PACRG: variants seen among roughly 807,000 people sequenced by gnomAD.
The protein encoded by PACRG is parkin coregulated, also known as parkin coregulated gene protein.
A neutral mutation model predicts 29.7 loss-of-function variants in PACRG; 29 were observed. The ratio of observed to expected loss-of-function variants is 0.98; its 90% CI spans 0.73 to 1.33. The LOEUF is 1.33. PACRG is among the 40% of genes most tolerant of loss of function. The pLI is 0.00. For synonymous variants in PACRG, 116 were observed against 118.7 expected, an observed-to-expected ratio of 0.98 and a Z score of 0.15; for missense variants, 279 against 316.2, an observed-to-expected ratio of 0.88 and a Z score of 0.89.
chr6:163,105,660 G>T (rs1815341102), intron 4 of PACRG, among the ~76,000 whole-genome samples: 1 of 152,100 alleles, frequency 6.6e-6, no homozygotes, highest in South Asian at 2.1e-4. Flanking sequence ...TAGAAAGTAT[G>T]CTATTTGAGG....
At chr6:162,775,680 A>G (rs1308302865) in intron 1 of PACRG, among the ~76,000 whole-genome samples, 1 of 152,200 alleles carries the variant, frequency 6.6e-6, no homozygotes, top group Non-Finnish European at 1.5e-5. Context: ...AGTGTCTATC[A>G]TGGTTCAGTG....
chr6:163,248,694 G>A (rs1782786333), intron 4 of PACRG, among the ~76,000 whole-genome samples: 1 of 152,152 alleles, frequency 6.6e-6, no homozygotes, highest in African/African-American at 2.4e-5. Flanking sequence ...TAGGTTTTCT[G>A]ATAGCCTTGA....
In PACRG at chr6:163,179,396, A is replaced by T. The variant is rs1488814749; in HGVS notation, c.613+89988A>T. The stretch of plus-strand genomic sequence containing the variant: ...TACTCATTTGGTGTTCTTTAAATTA[A>T]AAAAAAAAAAAAAAAACTTCTGGCA... On this transcript the variant is annotated intron_variant, in intron 4 of 4. Coordinates refer to ENST00000366888, the MANE Select transcript of PACRG (RefSeq NM_001080379.2). 3.8e-3 allele frequency: 52 copies of T among 13,758 alleles called. No homozygotes were observed. The East Asian group carries it at 0.086, about 23-fold the overall frequency. The allele number at this position is 13,758 out of a possible 1,614,324, so 0.9% of individuals were successfully genotyped here. A position where few individuals can be genotyped will look rare whatever the true frequency, so the allele number is the denominator to read the frequency against.
chr6:162,895,416 A>T (rs1371404602), intron 2 of PACRG, among the ~76,000 whole-genome samples: 1 of 152,194 alleles, frequency 6.6e-6, no homozygotes, highest in Non-Finnish European at 1.5e-5. Flanking sequence ...TGGCCTTTGT[A>T]CCATTCTGTG....
chr6:163,160,082 G>A lies in PACRG; in HGVS notation c.613+70674G>A, dbSNP rs373579993. 2.0e-5 allele frequency among the ~76,000 whole-genome samples: 3 copies of A among 152,208 alleles called. No individual in the cohort carries two copies. In the East Asian group the frequency reaches 5.8e-4, roughly 29 times the overall value. On this transcript the variant is annotated intron_variant, in intron 4 of 4. Transcript: ENST00000366888. ...GTGTTGGGAATCACTATGAGGTAGA[G>A]AGAACCATATCAAAGACATTACTCT... is the stretch of plus-strand genomic sequence containing the variant.
At chr6:162,886,832 A>C (rs568203666) in intron 2 of PACRG, among the ~76,000 whole-genome samples, 1 of 152,308 alleles carries the variant, frequency 6.6e-6, no homozygotes, top group Non-Finnish European at 1.5e-5. Context: ...GATATCATTA[A>C]TTTTTTAAAT....
At chr6:163,237,992 A>G (rs187514613) in intron 4 of PACRG, among the ~76,000 whole-genome samples, 249 of 152,352 alleles carry the variant, frequency 1.6e-3, no homozygotes, top group African/African-American at 5.9e-3. Context: ...CTTTTCATTA[A>G]TCAACTAAAC....
intron 2 of PACRG, among the ~76,000 whole-genome samples, chr6:162,998,868 T>C (rs570100185): frequency 9.9e-5 from 15 of 152,284 alleles, no homozygotes; most frequent in African/African-American, 3.6e-4. Flanking sequence ...TCTTCAAAAA[T>C]GTTTAGCCAG....
At chr6:163,019,064 CA>C in intron 2 of PACRG, among the ~76,000 whole-genome samples, 1 of 152,134 alleles carries the variant, frequency 6.6e-6, no homozygotes, top group East Asian at 1.9e-4. Context: ...TGTCTTCTAT[CA>C]TTTAAAAAAT....
intron 1 of PACRG, among the ~76,000 whole-genome samples, chr6:162,760,984 A>T (rs900434953): frequency 1.3e-5 from 2 of 152,178 alleles, no homozygotes; most frequent in Admixed American, 1.3e-4. Flanking sequence ...GCCAGCACTT[A>T]CTGATGGCTT....
At chr6:163,126,012 G>A (rs1405401969) in intron 4 of PACRG, among the ~76,000 whole-genome samples, 1 of 152,162 alleles carries the variant, frequency 6.6e-6, no homozygotes, top group Non-Finnish European at 1.5e-5. Flanking sequence ...ATCAAAATGA[G>A]CTGTCTACAT....
chr6:162,968,290 C>A (rs6922713), intron 2 of PACRG, among the ~76,000 whole-genome samples: 102,515 of 151,926 alleles, frequency 0.67, 34,744 homozygotes, highest in East Asian at 0.79. Context: ...GTTCAAAATT[C>A]AAGATATGCG....
At chr6:162,808,255 G>C (rs1166475668) in intron 1 of PACRG, among the ~76,000 whole-genome samples, 1 of 152,168 alleles carries the variant, frequency 6.6e-6, no homozygotes, top group Non-Finnish European at 1.5e-5. Flanking sequence ...CAAGTCAACA[G>C]GTCTTGCCCA....
intron 2 of PACRG, chr6:162,997,565 C>T (rs1386318147): frequency 2.0e-5 from 7 of 358,012 alleles, no homozygotes; most frequent in Non-Finnish European, 3.3e-5. Flanking sequence ...GGATTCATAA[C>T]AGACTTCATA....
chr6:162,913,127 A>G (rs1796428973), intron 2 of PACRG, among the ~76,000 whole-genome samples: 1 of 152,242 alleles, frequency 6.6e-6, no homozygotes, highest in Non-Finnish European at 1.5e-5. Context: ...ACTGAAGTAT[A>G]AATGAAATAC....
chr6:162,922,499 A>T (rs527538276), intron 2 of PACRG, among the ~76,000 whole-genome samples: 1 of 152,164 alleles, frequency 6.6e-6, no homozygotes, highest in Middle Eastern at 3.4e-3. Context: ...CCTGCAGTGC[A>T]GTGGAACATA....
At chr6:162,762,773 A>C (rs944079239) in intron 1 of PACRG, among the ~76,000 whole-genome samples, 2 of 152,190 alleles carry the variant, frequency 1.3e-5, no homozygotes, top group African/African-American at 4.8e-5. Flanking sequence ...CTGACTAATC[A>C]ATTTAGGAAG....
At chr6:163,236,220 T>C (rs1330547884) in intron 4 of PACRG, among the ~76,000 whole-genome samples, 1 of 152,208 alleles carries the variant, frequency 6.6e-6, no homozygotes, top group Non-Finnish European at 1.5e-5. Context: ...TTATTTTTCT[T>C]CAAACCAAAA....
At chr6:162,785,799 G>A (rs748525556) in intron 1 of PACRG, among the ~76,000 whole-genome samples, 21 of 152,112 alleles carry the variant, frequency 1.4e-4, no homozygotes, top group Non-Finnish European at 2.5e-4. Context: ...CCTGCTATGC[G>A]GCCCAGTTCC....
Sources: allele counts gnomAD v4.1 joint callset (sites outside exome capture counted in the v4.1 genomes callset), GRCh38; gene constraint gnomAD v4.1.1; transcripts MANE v1.5; gene names NCBI Gene and HGNC (gene_info 2026-07-23, HGNC 2026-07-21).